Variants in ANKEF1 observed in about 807,000 individuals in gnomAD.
The protein encoded by ANKEF1 is ankyrin repeat and EF-hand domain containing 1.
Under a neutral mutation model 65.1 loss-of-function variants are expected in ANKEF1, and 43 were observed. The ratio of observed to expected loss-of-function variants is 0.66; its 90% CI spans 0.52 to 0.85. The LOEUF is 0.85. Among genes scored for constraint, ANKEF1 ranks in the 40% least tolerant of loss-of-function variants. ANKEF1 has a pLI of 0.00. For synonymous variants in ANKEF1, 316 were observed against 341.5 expected (o/e 0.93, Z 0.82); for missense variants, 934 against 952.9 (o/e 0.98, Z 0.26).
chr20:10,049,708 A>ATGAGAAAAC lies in ANKEF1; in HGVS notation c.1139_1140insTGAGAAAAC (p.His380_Leu381insGluLysThr). ...TCAGAACAGCTGGCTGCCATCGCTC[A>ATGAGAAAAC]CCTTCATGAGAAAACCCGGGGAGGA... On this transcript the variant is annotated inframe_insertion, in exon 7 of 11. Transcript: ENST00000378392. 1 of 1,614,146 alleles carries ATGAGAAAAC rather than the reference A, an allele frequency of 6.2e-7. No homozygotes were observed. The highest frequency in any genetic ancestry group is 8.5e-7 in the Non-Finnish European group (1 of 1,180,012).
At chr20:10,039,738 C>T (rs1984062542) in intron 3 of ANKEF1, among the ~76,000 whole-genome samples, 1 of 152,116 alleles carries the variant, frequency 6.6e-6, no homozygotes, top group African/African-American at 2.4e-5. Context: ...GTACTACAGG[C>T]AAAATTGGTT....
chr20:10,043,912 C>T (rs1984354126), intron 4 of ANKEF1, among the ~76,000 whole-genome samples: 1 of 152,104 alleles, frequency 6.6e-6, no homozygotes, highest in East Asian at 1.9e-4. Flanking sequence ...ATCTGCCCAC[C>T]TCTGCCTTCC....
chr20:10,042,983 GT>G (rs1256566606), intron 3 of ANKEF1, 138 bp from the exon 4 acceptor site: 1 of 767,272 alleles, frequency 1.3e-6, no homozygotes, highest in Non-Finnish European at 2.1e-6. Context: ...CTGTCTTGGT[GT>G]TTTAGTTGGT....
Position 10,049,656 on chromosome 20 carries a change from T to C in ANKEF1, c.1087T>C (p.Leu363=), listed in dbSNP as rs1041403724. 1 of 1,613,908 alleles carries C rather than the reference T, an allele frequency of 6.2e-7. No individual in the cohort carries two copies. The highest frequency in any genetic ancestry group is 8.5e-7 in the Non-Finnish European group (1 of 1,179,992). The part of the protein sequence containing the change: ...SISKNDFVMV[L]EERQDYASSE... ...CAGCAAGAACGACTTCGTGATGGTG[T>C]TGGAGGAAAGGCAGGATTATGCAAG... is the stretch of plus-strand genomic sequence containing the variant. Residue 363 remains leucine (L), a synonymous_variant, in exon 7 of 11, where the codon TTG becomes CTG. Transcript: ENST00000378392.
At chr20:10,042,318 TTTCC>T (rs1984239413) in intron 3 of ANKEF1, among the ~76,000 whole-genome samples, 1 of 152,182 alleles carries the variant, frequency 6.6e-6, no homozygotes, top group South Asian at 2.1e-4. Context: ...CAGTTTCCTT[TTTCC>T]TTGCAGTATT....
In ANKEF1 at chr20:10,057,942, C is replaced by T. The variant is rs1255764308; in HGVS notation, c.*2282C>T. On this transcript the variant is annotated 3_prime_UTR_variant, in exon 11 of 11. Transcript: ENST00000378392. ...CAGTATATAAGAAGAACACAAGCCACTTTTATCTTGTAAAATGTCTCTCAA... is the reference window on the plus strand; with the variant it reads ...CAGTATATAAGAAGAACACAAGCCATTTTTATCTTGTAAAATGTCTCTCAA... The T allele has an allele frequency of 6.6e-6, 1 of 152,136 alleles. No homozygotes were observed. The highest frequency in any genetic ancestry group is 1.9e-4 in the East Asian group (1 of 5,196). 9.4% of individuals were successfully genotyped at this position (152,136 alleles called of 1,614,324 possible). A position where few individuals can be genotyped will look rare whatever the true frequency, so the allele number is the denominator to read the frequency against.
chr20:10,054,456 T>G lies in ANKEF1; in HGVS notation c.2035-6T>G, dbSNP rs1985033329. On this transcript the variant is annotated splice_polypyrimidine_tract_variant and splice_region_variant and intron_variant, in intron 9 of 10. Transcript: ENST00000378392. ...CAATTTATAATTTTTTTGTTCTTGTTTCCAGGAACTGCTGTCATCAATTTA... is the reference window on the plus strand; with the variant it reads ...CAATTTATAATTTTTTTGTTCTTGTGTCCAGGAACTGCTGTCATCAATTTA... 6.5e-7 allele frequency: 1 copy of G among 1,528,958 alleles called. No homozygotes were observed. The highest frequency in any genetic ancestry group is 1.4e-5 in the African/African-American group (1 of 69,772). The allele number at this position is 1,528,958 out of a possible 1,614,324, so 94.7% of individuals were successfully genotyped here. A position where few individuals can be genotyped will look rare whatever the true frequency, so the allele number is the denominator to read the frequency against.
At chr20:10,047,969 TAGA>T (rs890143242) in intron 6 of ANKEF1, among the ~76,000 whole-genome samples, 14 of 152,086 alleles carry the variant, frequency 9.2e-5, no homozygotes, top group African/African-American at 3.4e-4. Context: ...TGGGTGAACA[TAGA>T]AGAAGAGGCT....
At chr20:10,048,917 A>G (rs1984671726) in intron 6 of ANKEF1, among the ~76,000 whole-genome samples, 1 of 152,258 alleles carries the variant, frequency 6.6e-6, no homozygotes, top group Non-Finnish European at 1.5e-5. Flanking sequence ...CGGAAAAAAT[A>G]TACTTAAAAT....
intron 2 of ANKEF1, among the ~76,000 whole-genome samples, chr20:10,037,277 A>G (rs1251530783): frequency 1.3e-5 from 2 of 152,120 alleles, no homozygotes; most frequent in Non-Finnish European, 2.9e-5. Flanking sequence ...AATGCCATCA[A>G]TCTCAGTCTC....
At position 10,043,124 on chromosome 20, in the gene ANKEF1, G is replaced by GT; in HGVS notation, c.353dup (p.Leu118PhefsTer9). The GT allele has an allele frequency of 6.2e-7, 1 of 1,613,902 alleles. No homozygotes were observed. The highest frequency in any genetic ancestry group is 8.5e-7 in the Non-Finnish European group (1 of 1,179,872). ...CTGGGGATTTTATTTCTCTGCAGGTGTTTTGTTTTACTGCATTTTACCGAC... is the reference window on the plus strand; with the variant it reads ...CTGGGGATTTTATTTCTCTGCAGGTGTTTTTGTTTTACTGCATTTTACCGAC... On this transcript the variant is annotated frameshift_variant, in exon 4 of 11. Coordinates refer to ENST00000378392, the MANE Select transcript of ANKEF1 (RefSeq NM_022096.6). LOFTEE classifies it high-confidence loss of function.
chr20:10,035,189 GC>G lies in ANKEF1; in HGVS notation c.-251del, dbSNP rs1313932592. ...ACATCATTCACGCCTGGGCGCCTCC[GC>G]CGGGCTCCGGGAGCCCAAGGTCGCG... On this transcript the variant is annotated 5_prime_UTR_variant, in exon 1 of 11. The change abolishes the stop of an existing upstream ORF in the 5' untranslated region. Transcript: ENST00000378392. 1 of 152,414 alleles carries G rather than the reference GC, an allele frequency of 6.6e-6. No homozygotes were observed. The highest frequency in any genetic ancestry group is 1.9e-4 in the East Asian group (1 of 5,190). 9.4% of individuals were successfully genotyped at this position (152,414 alleles called of 1,614,324 possible). A position where few individuals can be genotyped will look rare whatever the true frequency, so the allele number is the denominator to read the frequency against.
In ANKEF1 at chr20:10,038,359, G is replaced by A. The variant is rs147777152; in HGVS notation, c.58G>A (p.Val20Met). 6 of 1,612,558 alleles carry A rather than the reference G, an allele frequency of 3.7e-6. No homozygotes were observed. The East Asian group carries it at 1.3e-4, about 36-fold the overall frequency. ...ACAGATCTACAAAGTTCTTCAATGT[G>A]TGCGGAACAAAGACAAGAAGCAGAT... ...NLQIYKVLQC[V>M]RNKDKKQIEK... Residue 20 changes from valine (V) to methionine (M), a missense_variant, in exon 3 of 11, where the codon GTG becomes ATG. Val to Met is a conservative substitution (Grantham distance 21). Transcript: ENST00000378392.
At chr20:10,037,207 G>A (rs1907056653) in intron 2 of ANKEF1, among the ~76,000 whole-genome samples, 1 of 152,150 alleles carries the variant, frequency 6.6e-6, no homozygotes, top group Non-Finnish European at 1.5e-5. Context: ...CGGGGGAGAA[G>A]ATGTATTTAC....
intron 3 of ANKEF1, among the ~76,000 whole-genome samples, chr20:10,042,639 G>A (rs554868904): frequency 1.2e-4 from 18 of 152,260 alleles, no homozygotes; most frequent in Middle Eastern, 3.4e-3. Context: ...TAGCCACTTG[G>A]CATCTAATTC....
chr20:10,048,524 C>T (rs1340699280), intron 6 of ANKEF1, among the ~76,000 whole-genome samples: 4 of 151,902 alleles, frequency 2.6e-5, no homozygotes, highest in African/African-American at 9.7e-5. Context: ...TATTTTTTTA[C>T]CCATCGTATA....
intron 5 of ANKEF1, among the ~76,000 whole-genome samples, chr20:10,044,768 C>G (rs1463109233): frequency 1.3e-5 from 2 of 151,908 alleles, no homozygotes; most frequent in Admixed American, 6.6e-5. Flanking sequence ...TAATATTATT[C>G]ATAGTATTTT....
At position 10,035,994 on chromosome 20, in the gene ANKEF1, A is replaced by C. The variant is rs533548787; in HGVS notation, c.-45+352A>C. Among the ~76,000 whole-genome samples the C allele has an allele frequency of 1.4e-4, 21 of 152,324 alleles. 1 individual carries two copies. Reference sequence around the variant, plus strand: ...TGGGGAAAAGTACAGGTGTGCTTGTATGTGGAGGATCCTATATGCTGCTCA... The same window carrying C: ...TGGGGAAAAGTACAGGTGTGCTTGTCTGTGGAGGATCCTATATGCTGCTCA... On this transcript the variant is annotated intron_variant, in intron 2 of 10. Coordinates refer to ENST00000378392, the MANE Select transcript of ANKEF1 (RefSeq NM_022096.6).
chr20:10,048,421 A>G (rs927243462), intron 6 of ANKEF1, among the ~76,000 whole-genome samples: 2 of 152,122 alleles, frequency 1.3e-5, no homozygotes, highest in African/African-American at 4.8e-5. Flanking sequence ...AAATAATCCA[A>G]TTACGCTCTT....
Sources: allele counts gnomAD v4.1 joint callset (sites outside exome capture counted in the v4.1 genomes callset), GRCh38; gene constraint gnomAD v4.1.1; transcripts MANE v1.5; gene names NCBI Gene and HGNC (gene_info 2026-07-23, HGNC 2026-07-21).